The following SH2D4A variants were observed in gnomAD, a reference collection of about 807,000 sequenced individuals.
SH2D4A encodes SH2 domain-containing protein 4A.
Under a neutral mutation model 64.7 loss-of-function variants are expected in SH2D4A, and 70 were observed. The ratio of observed to expected loss-of-function variants is 1.08; its 90% CI spans 0.89 to 1.32. The LOEUF is 1.32. Among genes scored for constraint, SH2D4A ranks in the 40% most tolerant of loss-of-function variants. The probability of loss-of-function intolerance (pLI) is 0.00; values close to 1 mark genes in which losing one functional copy is unlikely to be tolerated. For missense variants in SH2D4A, 706 were observed against 540.1 expected, an observed-to-expected ratio of 1.31 and a Z score of -3.04; for synonymous variants, 268 against 200.7, an observed-to-expected ratio of 1.34 and a Z score of -2.83.
At chr8:19,336,709 TA>T (rs918760752) in intron 4 of SH2D4A, among the ~76,000 whole-genome samples, 4 of 150,294 alleles carry the variant, frequency 2.7e-5, no homozygotes, top group Non-Finnish European at 4.4e-5. Flanking sequence ...TACAAAAAAT[TA>T]AAAAAAAACA....
chr8:19,359,728 G>GCACA (rs1327409383), intron 5 of SH2D4A, among the ~76,000 whole-genome samples: 3,971 of 152,254 alleles, frequency 0.026, 152 homozygotes, highest in African/African-American at 0.09. Context: ...ATGCACAGAA[G>GCACA]TTTAGTTACA....
chr8:19,383,657 T>C (rs949317535), intron 8 of SH2D4A, among the ~76,000 whole-genome samples: 25 of 152,314 alleles, frequency 1.6e-4, no homozygotes, highest in African/African-American at 5.3e-4. Context: ...TTTATTGTTA[T>C]AGGCTTTCTC....
chr8:19,349,328 T>C (rs528851099), intron 4 of SH2D4A, among the ~76,000 whole-genome samples: 1 of 152,308 alleles, frequency 6.6e-6, no homozygotes, highest in African/African-American at 2.4e-5. Flanking sequence ...TAAGATAGAA[T>C]CACAAAATGC....
intron 8 of SH2D4A, among the ~76,000 whole-genome samples, chr8:19,387,589 C>T (rs1214336191): frequency 1.3e-5 from 2 of 152,172 alleles, no homozygotes; most frequent in African/African-American, 2.4e-5. Flanking sequence ...GCTTTCTGGA[C>T]AGTTTCTTCT....
intron 8 of SH2D4A, among the ~76,000 whole-genome samples, chr8:19,379,521 T>C (rs996092994): frequency 1.3e-5 from 2 of 152,238 alleles, no homozygotes; most frequent in Non-Finnish European, 2.9e-5. Flanking sequence ...TCAGTTCTTT[T>C]GGGTATTTAC....
chr8:19,374,576 ACT>A (rs1167302575), intron 8 of SH2D4A, among the ~76,000 whole-genome samples: 1 of 152,156 alleles, frequency 6.6e-6, no homozygotes, highest in Non-Finnish European at 1.5e-5. Flanking sequence ...ATCATGGGAA[ACT>A]CTTCTAAAAG....
intron 8 of SH2D4A, among the ~76,000 whole-genome samples, chr8:19,378,101 C>T (rs13272084): frequency 0.16 from 24,347 of 152,078 alleles, 2,064 homozygotes; most frequent in Middle Eastern, 0.2. Context: ...ATTACTTATA[C>T]AGATCTTTTG....
intron 4 of SH2D4A, among the ~76,000 whole-genome samples, chr8:19,352,823 A>G (rs186960955): frequency 6.6e-6 from 1 of 152,178 alleles, no homozygotes; most frequent in Non-Finnish European, 1.5e-5. Flanking sequence ...CCTGGGCAAT[A>G]TAGTGAGACC....
chr8:19,356,514 T>C (rs887830489), intron 4 of SH2D4A, among the ~76,000 whole-genome samples: 1 of 152,166 alleles, frequency 6.6e-6, no homozygotes, highest in African/African-American at 2.4e-5. Context: ...CAGGGACTGA[T>C]GGGGGCCTGT....
chr8:19,330,372 C>A (rs1460711984), intron 2 of SH2D4A, among the ~76,000 whole-genome samples: 1 of 152,206 alleles, frequency 6.6e-6, no homozygotes, highest in East Asian at 1.9e-4. Context: ...GTCAGTGCCA[C>A]TCTGTCAAGA....
At chr8:19,365,839 C>T (rs1243482408) in intron 7 of SH2D4A, among the ~76,000 whole-genome samples, 1 of 152,032 alleles carries the variant, frequency 6.6e-6, no homozygotes, top group Non-Finnish European at 1.5e-5. Flanking sequence ...GAGTTTTGCT[C>T]GATCTCCAAG....
chr8:19,343,654 C>G (rs995991761), intron 4 of SH2D4A, among the ~76,000 whole-genome samples: 2 of 152,222 alleles, frequency 1.3e-5, no homozygotes, highest in Admixed American at 6.5e-5. Flanking sequence ...GGGCTGCACA[C>G]TTCAGTGCCC....
intron 4 of SH2D4A, among the ~76,000 whole-genome samples, chr8:19,341,138 A>G (rs1010015014): frequency 2.0e-5 from 3 of 152,226 alleles, no homozygotes; most frequent in African/African-American, 4.8e-5. Flanking sequence ...AACAGAATTC[A>G]TCACTGCCCC....
In SH2D4A at chr8:19,394,739, G is replaced by C; in HGVS notation, c.*97G>C. 1 of 838,464 alleles carries C rather than the reference G, an allele frequency of 1.2e-6. No homozygotes were observed. The highest frequency in any genetic ancestry group is 1.8e-6 in the Non-Finnish European group (1 of 551,486). 51.9% of individuals were successfully genotyped at this position (838,464 alleles called of 1,614,324 possible). ...TGTGTGAAGCCAAAATCACCCTGCA[G>C]CAGAGCCAATACTGATCAACTGAAA... On this transcript the variant is annotated 3_prime_UTR_variant, in exon 10 of 10. Coordinates refer to ENST00000265807, the MANE Select transcript of SH2D4A (RefSeq NM_022071.4).
In SH2D4A at chr8:19,364,222, C is replaced by G. The variant is rs535151145; in HGVS notation, c.857C>G (p.Pro286Arg). 1.9e-6 allele frequency: 3 copies of G among 1,614,084 alleles called. No individual in the cohort carries two copies. The highest frequency in any genetic ancestry group is 1.7e-6 in the Non-Finnish European group (2 of 1,180,016). The change falls in exon 7 of 10, where the codon CCT (proline) becomes CGT (arginine). Residue 286 changes from proline to arginine, a missense_variant. Pro to Arg is a moderately radical substitution (Grantham distance 103). Coordinates refer to ENST00000265807, the MANE Select transcript of SH2D4A (RefSeq NM_022071.4). ...PLRVPQKPER[P>R]PLPPKPQFLN... is the part of the protein sequence containing the mutation. ...CGTGTTCCGCAGAAACCAGAAAGAC[C>G]TCCCCTTCCACCCAAGCCTCAGTTC...
chr8:19,313,841 G>A lies in SH2D4A; in HGVS notation c.-205+18G>A, dbSNP rs376645036. On this transcript the variant is annotated intron_variant, in intron 1 of 9. Coordinates refer to ENST00000265807, the MANE Select transcript of SH2D4A (RefSeq NM_022071.4). The stretch of plus-strand genomic sequence containing the variant: ...CAGCACTGGTAGGTGCTGGGGGTGG[G>A]GCGAGGCTTTGGGGAGAGTGTGCGT... 9 of 1,475,742 alleles carry A rather than the reference G, an allele frequency of 6.1e-6. No individual in the cohort carries two copies. In the East Asian group the frequency reaches 2.3e-4, roughly 38 times the overall value. The allele number at this position is 1,475,742 out of a possible 1,614,324, so 91.4% of individuals were successfully genotyped here.
intron 8 of SH2D4A, among the ~76,000 whole-genome samples, chr8:19,392,981 T>G (rs371386268): frequency 2.0e-4 from 31 of 152,268 alleles, no homozygotes; most frequent in African/African-American, 7.0e-4. Context: ...GACCTCGTGA[T>G]CCACCCACCT....
In SH2D4A at chr8:19,362,859, T is replaced by C. The variant is rs191156581; in HGVS notation, c.707-1213T>C. Among the ~76,000 whole-genome samples the C allele has an allele frequency of 7.2e-5, 11 of 152,252 alleles. No homozygotes were observed. In the East Asian group the frequency reaches 2.1e-3, roughly 29 times the overall value. ...ATTTTTAAAATAAATTTTATAAATG[T>C]AGTGTAGCCTAAGTGTAAAGTGTTT... On this transcript the variant is annotated intron_variant, in intron 6 of 9. Transcript: ENST00000265807.
chr8:19,352,280 T>C (rs1170331308), intron 4 of SH2D4A, among the ~76,000 whole-genome samples: 1 of 152,218 alleles, frequency 6.6e-6, no homozygotes, highest in East Asian at 1.9e-4. Context: ...ATTTGAACTG[T>C]CATACTTCTA....
Sources: gnomAD v4.1 joint callset for allele counts (sites outside exome capture counted in the v4.1 genomes callset) on GRCh38, gnomAD v4.1.1 for gene constraint, MANE v1.5 for transcripts, NCBI Gene and HGNC (gene_info 2026-07-23, HGNC 2026-07-21) for gene names.